C11orf91: variants seen among roughly 807,000 people sequenced by gnomAD.
C11orf91 encodes uncharacterized protein C11orf91.
In C11orf91, 10 loss-of-function variants were observed where a neutral mutation model predicts 14.3. That is an observed-to-expected ratio of 0.70 (90% CI 0.43 to 1.18). C11orf91 has a LOEUF of 1.18. Among genes scored for constraint, C11orf91 ranks in the 50% most tolerant of loss-of-function variants. The pLI is 0.00. For synonymous variants in C11orf91, 141 were observed against 130.6 expected (o/e 1.08, Z -0.54); for missense variants, 236 against 269.0 (o/e 0.88, Z 0.86).
chr11:33,700,456 G>A lies in C11orf91; in HGVS notation c.285C>T (p.Pro95=), dbSNP rs568375498. Residue 95 remains proline (P), a synonymous_variant, in exon 1 of 2, where the codon CCC becomes CCT. Coordinates refer to ENST00000379011, the MANE Select transcript of C11orf91 (RefSeq NM_001166692.2). The part of the protein sequence containing the change: ...SSERPWPSPW[P]SGLASIPYEP... ...CGTAGGGGATGGAGGCCAGGCCGGA[G>A]GGCCAGGGCGAGGGCCAGGGGCGCT... 1.1e-4 allele frequency: 155 copies of A among 1,473,030 alleles called. 2 individuals are homozygous for A. The South Asian group carries it at 1.6e-3, about 15-fold the overall frequency. 91.2% of individuals were successfully genotyped at this position (1,473,030 alleles called of 1,614,324 possible). A position where few individuals can be genotyped will look rare whatever the true frequency, so the allele number is the denominator to read the frequency against.
upstream of C11orf91, chr11:33,705,702 C>T (rs1387098837): frequency 1.3e-5 from 2 of 152,214 alleles, no homozygotes; most frequent in African/African-American, 2.4e-5. Context: ...TGTGCGACTT[C>T]GCCTTCTAAC....
chr11:33,702,782 G>A, upstream of C11orf91: 2 of 337,436 alleles, frequency 5.9e-6, no homozygotes, highest in Non-Finnish European at 1.2e-5. Context: ...CAGAACCACA[G>A]TAATGGTAAG....
Position 33,700,762 on chromosome 11 carries a change from G to A in C11orf91, c.-22C>T. 1.6e-6 allele frequency: 2 copies of A among 1,286,614 alleles called. No individual in the cohort carries two copies. Among genetic ancestry groups the A allele is most frequent in the Non-Finnish European group, 2.0e-6 (2 of 1,017,444 alleles). 79.7% of individuals were successfully genotyped at this position (1,286,614 alleles called of 1,614,324 possible). On this transcript the variant is annotated 5_prime_UTR_variant, in exon 1 of 2. Coordinates refer to ENST00000379011, the MANE Select transcript of C11orf91 (RefSeq NM_001166692.2). Reference sequence around the variant, plus strand: ...GCATCGTTTGAATGAGGGTCTGCGTGGGAGGAACCCCGCGCCGGGAGACGC... The same window carrying A: ...GCATCGTTTGAATGAGGGTCTGCGTAGGAGGAACCCCGCGCCGGGAGACGC...
rs569971488 is a variant in C11orf91, at chr11:33,700,369, G to T, written c.372C>A (p.Val124=). Residue 124 remains valine (V), a synonymous_variant, in exon 1 of 2, where the codon GTC becomes GTA. Transcript: ENST00000379011. The stretch of plus-strand genomic sequence containing the variant: ...CGAGCCTGGGGGTCGAGGGGCAGGG[G>T]ACCAGGGGCGAGGCAACCACCTCAG... ...PGPEVVASPL[V]PCPSTPRLAS... is the part of the protein sequence containing the mutation. 1 of 1,534,692 alleles carries T rather than the reference G, an allele frequency of 6.5e-7. No homozygotes were observed. The highest frequency in any genetic ancestry group is 2.0e-5 in the Admixed American group (1 of 50,882).
At chr11:33,699,278 C>A (rs1853081472) in intron 1 of C11orf91, among the ~76,000 whole-genome samples, 1 of 152,108 alleles carries the variant, frequency 6.6e-6, no homozygotes, top group Admixed American at 6.5e-5. Context: ...AACTGAAGAC[C>A]ATTTCCATGG....
At chr11:33,704,210 A>G (rs1853216558), upstream of C11orf91, 1 of 151,876 alleles carries the variant, frequency 6.6e-6, no homozygotes, top group South Asian at 2.1e-4. Context: ...TGAATCTGGG[A>G]CTCTCTGTGA....
At chr11:33,703,650 G>A (rs534115741), upstream of C11orf91, 1 of 152,328 alleles carries the variant, frequency 6.6e-6, no homozygotes, top group Admixed American at 6.5e-5. Context: ...CTTACCCAGC[G>A]TGAGGCCAGG....
chr11:33,702,164 T>C (rs554033304), upstream of C11orf91, among the ~76,000 whole-genome samples: 1 of 152,232 alleles, frequency 6.6e-6, no homozygotes, highest in South Asian at 2.1e-4. Context: ...CTATGGCTAA[T>C]ACAGGCCATG....
upstream of C11orf91, among the ~76,000 whole-genome samples, chr11:33,701,837 C>T (rs1002899056): frequency 6.6e-6 from 1 of 151,356 alleles, no homozygotes; most frequent in African/African-American, 2.4e-5. Flanking sequence ...GGACAAGTTG[C>T]TTGACTTTTA....
chr11:33,701,142 C>G (rs998451820), upstream of C11orf91, among the ~76,000 whole-genome samples: 2 of 152,236 alleles, frequency 1.3e-5, no homozygotes, highest in Non-Finnish European at 2.9e-5. Flanking sequence ...CTCTTTCTCC[C>G]ATGAGGGAGA....
chr11:33,700,675 A>G lies in C11orf91; in HGVS notation c.66T>C (p.Tyr22=). The G allele has an allele frequency of 1.4e-6, 2 of 1,461,646 alleles. No individual in the cohort carries two copies. The highest frequency in any genetic ancestry group is 1.5e-5 in the African/African-American group (1 of 68,594). 90.5% of individuals were successfully genotyped at this position (1,461,646 alleles called of 1,614,324 possible). A position where few individuals can be genotyped will look rare whatever the true frequency, so the allele number is the denominator to read the frequency against. The change falls in exon 1 of 2, where the codon TAT becomes TAC. Residue 22 remains tyrosine, a synonymous_variant. Coordinates refer to ENST00000379011, the MANE Select transcript of C11orf91 (RefSeq NM_001166692.2). ...TMSQRSAPPL[Y]FPSLYDRGIS... is the part of the protein sequence containing the mutation. ...TGCCGCGGTCGTACAGGGACGGGAA[A>G]TAGAGGGGCGGAGCCGACCGCTGGC...
At chr11:33,698,677 A>G (rs1434523445) in intron 1 of C11orf91, among the ~76,000 whole-genome samples, 163 bp from the exon 2 acceptor site, 1 of 152,226 alleles carries the variant, frequency 6.6e-6, no homozygotes, top group Non-Finnish European at 1.5e-5. Flanking sequence ...CTCTGACTGT[A>G]AAAACATGTA....
chr11:33,701,014 C>G (rs1853117025), upstream of C11orf91, among the ~76,000 whole-genome samples: 1 of 152,222 alleles, frequency 6.6e-6, no homozygotes, highest in Non-Finnish European at 1.5e-5. Context: ...TCGACTCCGC[C>G]CACCGCCTCG....
Position 33,700,423 on chromosome 11 carries a change from C to A in C11orf91, c.318G>T (p.Leu106=). ...SGLASIPYEP[L]RFFYSPPPGP... The stretch of plus-strand genomic sequence containing the variant: ...CCGGCGGCGGTGAGTAGAAGAAGCG[C>A]AGAGGCTCGTAGGGGATGGAGGCCA... Residue 106 remains leucine, a synonymous_variant, in exon 1 of 2, where the codon CTG becomes CTT. Transcript: ENST00000379011. The A allele has an allele frequency of 6.6e-7, 1 of 1,521,280 alleles. No homozygotes were observed. The highest frequency in any genetic ancestry group is 8.8e-7 in the Non-Finnish European group (1 of 1,139,738). The allele number at this position is 1,521,280 out of a possible 1,614,324, so 94.2% of individuals were successfully genotyped here. A position where few individuals can be genotyped will look rare whatever the true frequency, so the allele number is the denominator to read the frequency against.
At chr11:33,701,422 T>G (rs975759387), upstream of C11orf91, among the ~76,000 whole-genome samples, 1 of 152,242 alleles carries the variant, frequency 6.6e-6, no homozygotes, top group South Asian at 2.1e-4. Flanking sequence ...TTCAGTGAAA[T>G]GCAGTTTAGT....
chr11:33,700,065 G>T (rs567005868), intron 1 of C11orf91, among the ~76,000 whole-genome samples, 180 bp downstream of exon 1: 2 of 152,130 alleles, frequency 1.3e-5, no homozygotes, highest in African/African-American at 2.4e-5. Context: ...GATCTGTGGT[G>T]GGGGGAGGAG....
chr11:33,701,356 G>A (rs1321713083), upstream of C11orf91, among the ~76,000 whole-genome samples: 1 of 152,256 alleles, frequency 6.6e-6, no homozygotes, highest in East Asian at 1.9e-4. Flanking sequence ...CAGTGTTGAG[G>A]AAGATTCTAG....
In C11orf91 at chr11:33,700,511, G is replaced by GGGGGCGGGGGCGCC. The variant is rs1209797848; in HGVS notation, c.216_229dup (p.Pro77ArgfsTer98). The GGGGGCGGGGGCGCC allele has an allele frequency of 1.5e-6, 2 of 1,342,384 alleles. No homozygotes were observed. The allele number at this position is 1,342,384 out of a possible 1,614,324, so 83.2% of individuals were successfully genotyped here. On this transcript the variant is annotated frameshift_variant, in exon 1 of 2. Transcript: ENST00000379011. LOFTEE classifies it high-confidence loss of function. ...GGAGGGACCCAGGCCGGGTGGTGGC[G>GGGGGCGGGGGCGCC]GGGGCGGGGGCGCCGGGGCGGGGAG...
chr11:33,703,026 T>G (rs1171195427), upstream of C11orf91: 1 of 152,270 alleles, frequency 6.6e-6, no homozygotes, highest in African/African-American at 2.4e-5. Flanking sequence ...GGAAAAGAGA[T>G]TTTGCGTTAT....
Sources: gnomAD v4.1 joint callset for allele counts (sites outside exome capture counted in the v4.1 genomes callset) on GRCh38, gnomAD v4.1.1 for gene constraint, MANE v1.5 for transcripts, NCBI Gene and HGNC (gene_info 2026-07-23, HGNC 2026-07-21) for gene names.